Variants in CRISP1 observed in about 807,000 individuals in gnomAD.
CRISP1 encodes cysteine-rich secretory protein 1.
A neutral mutation model predicts 33.1 loss-of-function variants in CRISP1; 44 were observed. The ratio of observed to expected loss-of-function variants is 1.33; its 90% CI spans 1.05 to 1.71. The LOEUF (loss-of-function observed/expected upper bound fraction) is 1.71, where lower values mean the gene tolerates loss of function less well. Among genes scored for constraint, CRISP1 ranks in the 40% most tolerant of loss-of-function variants. The pLI is 0.00. For synonymous variants in CRISP1, 103 were observed against 98.7 expected, an observed-to-expected ratio of 1.04 and a Z score of -0.26; for missense variants, 390 against 301.2, an observed-to-expected ratio of 1.29 and a Z score of -2.18.
chr6:49,848,074 A>G, intron 4 of CRISP1, 135 bp downstream of exon 4: 1 of 496,942 alleles, frequency 2.0e-6, no homozygotes. Flanking sequence ...TCCACAATTC[A>G]CTGCCTTGTA....
At chr6:49,869,976 G>A (rs564469830), upstream of CRISP1, among the ~76,000 whole-genome samples, 27 of 152,236 alleles carry the variant, frequency 1.8e-4, no homozygotes, top group African/African-American at 6.3e-4. Context: ...CATCTATAAG[G>A]AACAGGTCCC....
intron 1 of CRISP1, among the ~76,000 whole-genome samples, chr6:49,865,200 T>C (rs1258544119): frequency 6.6e-6 from 1 of 152,174 alleles, no homozygotes; most frequent in Non-Finnish European, 1.5e-5. Context: ...ACATACATAG[T>C]CATCTGATTT....
intron 2 of CRISP1, among the ~76,000 whole-genome samples, chr6:49,852,444 G>T (rs1771377126): frequency 6.6e-6 from 1 of 152,098 alleles, no homozygotes; most frequent in Admixed American, 6.6e-5. Context: ...CACAAAGGGA[G>T]ATATCTTAAA....
intron 1 of CRISP1, 48 bp from the exon 2 acceptor site, chr6:49,857,450 A>T (rs1382076279): frequency 1.3e-6 from 2 of 1,529,976 alleles, no homozygotes; most frequent in African/African-American, 1.4e-5. Flanking sequence ...TTCATGGGAT[A>T]ACATCTGGTA....
In CRISP1 at chr6:49,852,861, T is replaced by C. The variant is rs1771392880; in HGVS notation, c.67-732A>G. On this transcript the variant is annotated intron_variant, in intron 2 of 7. Transcript: ENST00000335847. Reference sequence around the variant, plus strand: ...AAGAGAATCTTTGTGTGTGTGTGTGTGTGTGTGTGTGTGTGTGTGTGTGTG... The same window carrying C: ...AAGAGAATCTTTGTGTGTGTGTGTGCGTGTGTGTGTGTGTGTGTGTGTGTG... Among the ~76,000 whole-genome samples the C allele has an allele frequency of 5.3e-5, 8 of 151,838 alleles. No individual in the cohort carries two copies. The South Asian group carries it at 1.7e-3, about 32-fold the overall frequency.
At chr6:49,865,057 G>T (rs184425528) in intron 1 of CRISP1, among the ~76,000 whole-genome samples, 1 of 152,042 alleles carries the variant, frequency 6.6e-6, no homozygotes, top group African/African-American at 2.4e-5. Context: ...AAATATTGGA[G>T]AACAAAGCTG....
In CRISP1 at chr6:49,862,011, T is replaced by A. The variant is rs562886858; in HGVS notation, c.-3+4418A>T. 3.3e-5 allele frequency among the ~76,000 whole-genome samples: 5 copies of A among 152,180 alleles called. No individual in the cohort carries two copies. The South Asian group carries it at 1.0e-3, about 32-fold the overall frequency. On this transcript the variant is annotated intron_variant, in intron 1 of 7. Transcript: ENST00000335847. ...CTATAACAAGACAACATTGCCCATG[T>A]TCAGCACTCTTATTTAACATAGTGC...
At chr6:49,867,455 T>TTG (rs1447792584), upstream of CRISP1, among the ~76,000 whole-genome samples, 3 of 152,058 alleles carry the variant, frequency 2.0e-5, no homozygotes, top group African/African-American at 7.2e-5. Flanking sequence ...AATATTTTTC[T>TTG]TGTATCTTGC....
At position 49,876,717 on chromosome 6, in the gene CRISP1, C is replaced by T. The variant is rs560025397; in HGVS notation, c.-3+292G>A. ...CACTATGTAGCCATAAAGAAGAACACGATTATGTCCTTTGCAGGGACATAG... is the reference window on the plus strand; with the variant it reads ...CACTATGTAGCCATAAAGAAGAACATGATTATGTCCTTTGCAGGGACATAG... On this transcript the variant is annotated intron_variant, in intron 1 of 7. Coordinates refer to the CRISP1 transcript ENST00000505118. Among the ~76,000 whole-genome samples the T allele has an allele frequency of 8.6e-5, 13 of 151,902 alleles. No individual in the cohort carries two copies. The East Asian group carries it at 1.5e-3, about 18-fold the overall frequency.
chr6:49,859,658 A>T (rs1771593030), intron 1 of CRISP1, among the ~76,000 whole-genome samples: 1 of 152,100 alleles, frequency 6.6e-6, no homozygotes, highest in Non-Finnish European at 1.5e-5. Context: ...AAAAACTCAA[A>T]TGTTATCACT....
intron 3 of CRISP1, among the ~76,000 whole-genome samples, chr6:49,850,120 A>C (rs1771306040): frequency 6.7e-6 from 1 of 148,586 alleles, no homozygotes; most frequent in Non-Finnish European, 1.5e-5. Context: ...AGGGGGAGGG[A>C]TAGCATTAGA....
At position 49,835,239 on chromosome 6, in the gene CRISP1, C is replaced by T; in HGVS notation, c.*77G>A. The T allele has an allele frequency of 6.7e-7, 1 of 1,497,994 alleles. No individual in the cohort carries two copies. Among genetic ancestry groups the T allele is most frequent in the Admixed American group, 1.9e-5 (1 of 53,762 alleles). The allele number at this position is 1,497,994 out of a possible 1,614,324, so 92.8% of individuals were successfully genotyped here. On this transcript the variant is annotated 3_prime_UTR_variant, in exon 8 of 8. Transcript: ENST00000335847. ...GTGAAATTTAGCAGAAGCTACTGAA[C>T]TATAGCAAAAGACATGAATCCAACA...
At chr6:49,858,144 T>A (rs1582277564) in intron 1 of CRISP1, among the ~76,000 whole-genome samples, 1 of 152,238 alleles carries the variant, frequency 6.6e-6, no homozygotes, top group South Asian at 2.1e-4. Context: ...ACTACTAATT[T>A]ATGTAAGTGA....
chr6:49,844,401 G>GA (rs2127471178), intron 5 of CRISP1, among the ~76,000 whole-genome samples: 1 of 152,262 alleles, frequency 6.6e-6, no homozygotes, highest in African/African-American at 2.4e-5. Flanking sequence ...CAAGAAAAGG[G>GA]AAGAATGACT....
chr6:49,840,968 C>G lies in CRISP1; in HGVS notation c.463G>C (p.Gly155Arg). Residue 155 changes from glycine (G) to arginine (R), a missense_variant, in exon 6 of 8, where the codon GGC becomes CGC. Transcript: ENST00000335847. ...TGGCGGCAAGATGCAATGGCACAGC[C>G]AATCAGGTAAGATGTGGCCCAAACA... The part of the protein sequence containing the change: ...QIVWATSYLI[G>R]CAIASCRQQG... 2 of 1,613,856 alleles carry G rather than the reference C, an allele frequency of 1.2e-6. No individual in the cohort carries two copies.
At chr6:49,858,678 T>C (rs1253704148) in intron 1 of CRISP1, among the ~76,000 whole-genome samples, 1 of 152,170 alleles carries the variant, frequency 6.6e-6, no homozygotes, top group Non-Finnish European at 1.5e-5. Context: ...CATTTCAAGA[T>C]TTATCGTAAT....
chr6:49,876,601 A>G (rs1772040794), intron 1 of CRISP1, among the ~76,000 whole-genome samples: 1 of 152,036 alleles, frequency 6.6e-6, no homozygotes, highest in East Asian at 1.9e-4. Context: ...TCACAGCAGC[A>G]CTATTCTTAA....
intron 7 of CRISP1, among the ~76,000 whole-genome samples, 169 bp downstream of exon 7, chr6:49,838,268 T>C (rs1318747086): frequency 1.3e-5 from 2 of 152,178 alleles, no homozygotes; most frequent in Non-Finnish European, 2.9e-5. Flanking sequence ...GTTAAATCAA[T>C]GGTTTTCAGT....
chr6:49,842,530 T>A (rs1410005372), intron 5 of CRISP1, among the ~76,000 whole-genome samples: 1 of 152,160 alleles, frequency 6.6e-6, no homozygotes, highest in Non-Finnish European at 1.5e-5. Flanking sequence ...AACATACTAA[T>A]GTATTTATAC....
Sources: gnomAD v4.1 joint callset for allele counts (sites outside exome capture counted in the v4.1 genomes callset) on GRCh38, gnomAD v4.1.1 for gene constraint, MANE v1.5 for transcripts, NCBI Gene and HGNC (gene_info 2026-07-23, HGNC 2026-07-21) for gene names.